Variants in GPBP1 observed in about 807,000 individuals in gnomAD.
GPBP1 encodes GC-rich promoter binding protein 1.
In GPBP1, 13 loss-of-function variants were observed where a neutral mutation model predicts 56.5. The ratio of observed to expected loss-of-function variants is 0.23; its 90% CI spans 0.15 to 0.37. The LOEUF (loss-of-function observed/expected upper bound fraction) is 0.37. Among genes scored for constraint, GPBP1 ranks in the 10% least tolerant of loss-of-function variants. The probability of loss-of-function intolerance (pLI) is 1.00; values close to 1 mark genes in which losing one functional copy is unlikely to be tolerated. For synonymous variants in GPBP1, 204 were observed against 188.9 expected, an observed-to-expected ratio of 1.08 and a Z score of -0.66; for missense variants, 477 against 572.3, an observed-to-expected ratio of 0.83 and a Z score of 1.70.
At chr5:57,203,443 C>T (rs1755102057) in intron 2 of GPBP1, among the ~76,000 whole-genome samples, 1 of 152,024 alleles carries the variant, frequency 6.6e-6, no homozygotes, top group Admixed American at 6.6e-5. Context: ...TGAGACCAGC[C>T]TGGGCAACAT....
chr5:57,242,926 T>C lies in GPBP1; in HGVS notation c.479-3374T>C, dbSNP rs567462840. ...CACCACACCTGGCTAACTTTTTGTATTTTTAGTAAAGACAGGGTTTCACCA... is the reference window on the plus strand; with the variant it reads ...CACCACACCTGGCTAACTTTTTGTACTTTTAGTAAAGACAGGGTTTCACCA... On this transcript the variant is annotated intron_variant, in intron 6 of 11. Coordinates refer to ENST00000506184, the MANE Select transcript of GPBP1 (RefSeq NM_022913.4). Among the ~76,000 whole-genome samples, 17 of 151,900 alleles carry C rather than the reference T, an allele frequency of 1.1e-4. No individual in the cohort carries two copies. In the East Asian group the frequency reaches 3.3e-3, roughly 29 times the overall value.
intron 11 of GPBP1, 144 bp from the exon 12 acceptor site, chr5:57,262,446 TTGTC>T (rs1741939903): frequency 3.2e-6 from 2 of 634,008 alleles, no homozygotes; most frequent in South Asian, 2.0e-5. Flanking sequence ...CACATCTACT[TTGTC>T]TGGATCCAGA....
At chr5:57,240,923 G>C (rs539309265) in intron 6 of GPBP1, among the ~76,000 whole-genome samples, 5 of 151,352 alleles carry the variant, frequency 3.3e-5, no homozygotes, top group Non-Finnish European at 4.4e-5. Context: ...TTGCACTCCA[G>C]CCTGGGCAAC....
rs192344618 is a variant in GPBP1 at position 57,188,411 on chromosome 5, C to T, written c.-58+12011C>T. 1.7e-3 allele frequency among the ~76,000 whole-genome samples: 265 copies of T among 152,140 alleles called. 1 individual carries two copies. Among genetic ancestry groups the T allele is most frequent in the Admixed American group, 3.7e-3 (57 of 15,258 alleles). On this transcript the variant is annotated intron_variant, in intron 2 of 11. Transcript: ENST00000506184. ...TATTCCAGGCTTATAGCTTAACTGC[C>T]GTCTTGACTTCTCTACCTGTAAAAT...
At chr5:57,246,672 T>TGGA (rs2111921297) in intron 7 of GPBP1, among the ~76,000 whole-genome samples, 188 bp downstream of exon 7, 1 of 152,294 alleles carries the variant, frequency 6.6e-6, no homozygotes, top group East Asian at 1.9e-4. Flanking sequence ...TGTGTGGTTT[T>TGGA]ATTGTTTTAG....
chr5:57,228,151 T>C (rs888555897), intron 3 of GPBP1, among the ~76,000 whole-genome samples: 12 of 152,244 alleles, frequency 7.9e-5, no homozygotes, highest in African/African-American at 2.9e-4. Flanking sequence ...ACCACCTATA[T>C]AGTCTTTTTA....
chr5:57,251,786 C>T (rs745548766), intron 10 of GPBP1, among the ~76,000 whole-genome samples: 2 of 152,032 alleles, frequency 1.3e-5, no homozygotes, highest in Non-Finnish European at 2.9e-5. Context: ...ATGACTATGT[C>T]ATTTTACTTC....
chr5:57,210,434 A>G (rs879938515), intron 2 of GPBP1, among the ~76,000 whole-genome samples: 4 of 152,130 alleles, frequency 2.6e-5, no homozygotes, highest in African/African-American at 9.7e-5. Context: ...CTTAAAAAAA[A>G]TTTTTTTAAG....
intron 3 of GPBP1, among the ~76,000 whole-genome samples, chr5:57,228,690 G>A (rs1283563668): frequency 1.3e-5 from 2 of 151,792 alleles, no homozygotes; most frequent in Non-Finnish European, 2.9e-5. Context: ...AAAATAAGCT[G>A]TAGAAAAATA....
intron 2 of GPBP1, among the ~76,000 whole-genome samples, chr5:57,206,355 A>G (rs1223857807): frequency 6.6e-6 from 1 of 151,806 alleles, no homozygotes; most frequent in African/African-American, 2.4e-5. Flanking sequence ...AGAGTTTTAT[A>G]GTTTTTGCTT....
In GPBP1 at chr5:57,209,362, G is replaced by GCC. The variant is rs1310472027; in HGVS notation, c.-57-4711_-57-4710dup. Among the ~76,000 whole-genome samples, 5 of 152,250 alleles carry GCC rather than the reference G, an allele frequency of 3.3e-5. No homozygotes were observed. The South Asian group carries it at 6.2e-4, about 19-fold the overall frequency. ...CTGGAGTGTAGTGCTTTTCACAGGTGCCATTATAGCACTCTACAGCCTCAA... is the reference window on the plus strand; with the variant it reads ...CTGGAGTGTAGTGCTTTTCACAGGTGCCCCATTATAGCACTCTACAGCCTCAA... On this transcript the variant is annotated intron_variant, in intron 2 of 11. Coordinates refer to ENST00000506184, the MANE Select transcript of GPBP1 (RefSeq NM_022913.4).
At chr5:57,215,642 A>G (rs1194905854) in intron 3 of GPBP1, among the ~76,000 whole-genome samples, 1 of 152,202 alleles carries the variant, frequency 6.6e-6, no homozygotes, top group Non-Finnish European at 1.5e-5. Flanking sequence ...GATTCAGCTT[A>G]TTGCTCTTCA....
chr5:57,206,654 G>C (rs376580522), intron 2 of GPBP1, among the ~76,000 whole-genome samples: 1 of 152,182 alleles, frequency 6.6e-6, no homozygotes, highest in Admixed American at 6.5e-5. Context: ...AATTACAGGC[G>C]TGAGCTACTG....
At chr5:57,237,006 G>A in intron 6 of GPBP1, 1 of 675,142 alleles carries the variant, frequency 1.5e-6, no homozygotes, top group Non-Finnish European at 2.6e-6. Context: ...TTTATTTAAG[G>A]GCTTTTTGAG....
At chr5:57,240,355 G>C (rs371395727) in intron 6 of GPBP1, among the ~76,000 whole-genome samples, 2 of 152,138 alleles carry the variant, frequency 1.3e-5, no homozygotes, top group African/African-American at 2.4e-5. Flanking sequence ...CAAAATAATA[G>C]GAAACTAAAT....
intron 6 of GPBP1, among the ~76,000 whole-genome samples, chr5:57,243,212 G>A (rs1740916705): frequency 2.0e-5 from 3 of 151,550 alleles, no homozygotes; most frequent in South Asian, 2.1e-4. Context: ...GATTACAGGC[G>A]CCTGCCACCA....
Position 57,243,648 on chromosome 5 carries a change from A to G in GPBP1, c.479-2652A>G, listed in dbSNP as rs945358508. The stretch of plus-strand genomic sequence containing the variant: ...TCAGAAACTATATTGAGGCTTAAAG[A>G]TAGTATATCTACTTGCCTATCTAGT... On this transcript the variant is annotated intron_variant, in intron 6 of 11. Coordinates refer to ENST00000506184, the MANE Select transcript of GPBP1 (RefSeq NM_022913.4). Among the ~76,000 whole-genome samples, 4 of 151,334 alleles carry G rather than the reference A, an allele frequency of 2.6e-5. No homozygotes were observed. The South Asian group carries it at 8.4e-4, about 32-fold the overall frequency.
intron 5 of GPBP1, among the ~76,000 whole-genome samples, chr5:57,235,300 C>T (rs1289475489): frequency 2.0e-5 from 3 of 150,730 alleles, no homozygotes; most frequent in Admixed American, 2.0e-4. Context: ...AGCAAGACTG[C>T]ATTTCAAAAA....
At chr5:57,189,467 A>T (rs1293903230) in intron 2 of GPBP1, among the ~76,000 whole-genome samples, 1 of 152,112 alleles carries the variant, frequency 6.6e-6, no homozygotes, top group Non-Finnish European at 1.5e-5. Context: ...TATGTTGGAC[A>T]GGCAGGTCTC....
Sources: gnomAD v4.1 joint callset for allele counts (sites outside exome capture counted in the v4.1 genomes callset) on GRCh38, gnomAD v4.1.1 for gene constraint, MANE v1.5 for transcripts, NCBI Gene and HGNC (gene_info 2026-07-23, HGNC 2026-07-21) for gene names.